Variants in DNAH8 observed in about 807,000 individuals in gnomAD.
DNAH8 encodes dynein axonemal heavy chain 8, also known as axonemal beta dynein heavy chain 8.
A neutral mutation model predicts 562.1 loss-of-function variants in DNAH8; 382 were observed. That is an observed-to-expected ratio of 0.68 (90% CI 0.63 to 0.74). DNAH8 has a LOEUF of 0.74. DNAH8 is among the 30% of genes least tolerant of loss of function. DNAH8 has a pLI of 0.00. For missense variants in DNAH8, 5,203 were observed against 5,620.4 expected, an observed-to-expected ratio of 0.93 and a Z score of 2.37; for synonymous variants, 1,881 against 1,919.4, an observed-to-expected ratio of 0.98 and a Z score of 0.52.
intron 55 of DNAH8, 127 bp downstream of exon 55, chr6:38,883,583 C>A: frequency 9.0e-7 from 1 of 1,106,026 alleles, no homozygotes; most frequent in Non-Finnish European, 1.2e-6. Context: ...CTGCACTTGG[C>A]ATTCAGCTGT....
intron 9 of DNAH8, among the ~76,000 whole-genome samples, chr6:38,755,463 C>T (rs185084595): frequency 1.9e-3 from 292 of 152,138 alleles, no homozygotes; most frequent in Middle Eastern, 0.01. Flanking sequence ...GGATTTCTTC[C>T]AATATCTTCA....
chr6:38,789,605 A>T (rs1196521392), intron 18 of DNAH8, among the ~76,000 whole-genome samples, 198 bp from the exon 19 acceptor site: 22 of 152,210 alleles, frequency 1.4e-4, no homozygotes, highest in Non-Finnish European at 1.5e-5. Context: ...ATTGCTACTG[A>T]CTTGTTTAAA....
chr6:38,987,766 C>T (rs987303858), intron 87 of DNAH8, among the ~76,000 whole-genome samples: 1 of 152,206 alleles, frequency 6.6e-6, no homozygotes, highest in Non-Finnish European at 1.5e-5. Context: ...GCCCTACATC[C>T]TCTCCAACCT....
rs768887650 is a variant in DNAH8, at chr6:38,761,804, G to A, written c.1617+1G>A. The stretch of plus-strand genomic sequence containing the variant: ...GCCAGTTGTACTAAAGAAAATTCAG[G>A]TTTGTAGAAGTACTTTTATTTTCAT... On this transcript the variant is annotated splice_donor_variant, in intron 11 of 92. Coordinates refer to ENST00000327475, the MANE Select transcript of DNAH8 (RefSeq NM_001206927.2). LOFTEE classifies it high-confidence loss of function. 1 of 1,497,726 alleles carries A rather than the reference G, an allele frequency of 6.7e-7. No individual in the cohort carries two copies. Among genetic ancestry groups the A allele is most frequent in the Non-Finnish European group, 9.0e-7 (1 of 1,111,184 alleles). 92.8% of individuals were successfully genotyped at this position (1,497,726 alleles called of 1,614,324 possible).
Position 38,848,609 on chromosome 6 carries a change from CT to C in DNAH8, c.5046-37del, listed in dbSNP as rs1775489123. The C allele has an allele frequency of 4.6e-6, 7 of 1,534,400 alleles. No individual in the cohort carries two copies. In the South Asian group the frequency reaches 8.0e-5, roughly 18 times the overall value. ...GGTAAGGCCATACTATTTTCTGAATCTTCTTTGAAATGTGATTTTTTCCGTT... is the reference window on the plus strand; with the variant it reads ...GGTAAGGCCATACTATTTTCTGAATCTCTTTGAAATGTGATTTTTTCCGTT... On this transcript the variant is annotated intron_variant, in intron 36 of 92. Transcript: ENST00000327475.
At chr6:38,862,240 A>G (rs781345358) in intron 43 of DNAH8, 40 bp from the exon 44 acceptor site, 1 of 1,582,550 alleles carries the variant, frequency 6.3e-7, no homozygotes, top group Non-Finnish European at 8.6e-7. Flanking sequence ...GTAACGTGTC[A>G]TCCCATACTC....
At chr6:38,915,072 A>G in intron 67 of DNAH8, 129 bp from the exon 68 acceptor site, 5 of 767,994 alleles carry the variant, frequency 6.5e-6, no homozygotes, top group East Asian at 3.2e-5. Flanking sequence ...AATATAGACA[A>G]CTTAGGAAAT....
At position 38,805,726 on chromosome 6, in the gene DNAH8, A is replaced by G. The variant is rs577776488; in HGVS notation, c.3150+130A>G. The G allele has an allele frequency of 9.4e-5, 52 of 551,480 alleles. No individual in the cohort carries two copies. The East Asian group carries it at 1.7e-3, about 18-fold the overall frequency. 34.2% of individuals were successfully genotyped at this position (551,480 alleles called of 1,614,324 possible). The stretch of plus-strand genomic sequence containing the variant: ...ATTTCTAACAAAATACAGAAAGTAT[A>G]ATTTTCAATTTTATACTGTAGGATC... On this transcript the variant is annotated intron_variant, in intron 23 of 92. Coordinates refer to ENST00000327475, the MANE Select transcript of DNAH8 (RefSeq NM_001206927.2).
intron 92 of DNAH8, among the ~76,000 whole-genome samples, chr6:39,029,363 G>A (rs1436698416): frequency 6.6e-6 from 1 of 152,150 alleles, no homozygotes; most frequent in Non-Finnish European, 1.5e-5. Flanking sequence ...GAGCACTCCA[G>A]CCACAGGGAC....
intron 73 of DNAH8, 26 bp from the exon 74 acceptor site, chr6:38,926,029 G>A (rs1279397833): frequency 1.2e-5 from 19 of 1,602,756 alleles, no homozygotes; most frequent in Non-Finnish European, 1.3e-5. Flanking sequence ...TCCTTTGAAT[G>A]GTGATATCCA....
intron 75 of DNAH8, 42 bp downstream of exon 75, chr6:38,929,708 A>G (rs1583384728): frequency 6.8e-7 from 1 of 1,464,686 alleles, no homozygotes; most frequent in Non-Finnish European, 9.0e-7. Flanking sequence ...AAAGAAAGAA[A>G]AGAAAAAGAA....
intron 26 of DNAH8, among the ~76,000 whole-genome samples, chr6:38,822,001 GCATATAGTGAATATA>G (rs1235171350): frequency 3.3e-5 from 5 of 152,156 alleles, no homozygotes; most frequent in Admixed American, 1.3e-4. Context: ...ATTTGAATAT[GCATATAGTGAATATA>G]CATATAGTGA....
At position 38,837,870 on chromosome 6, in the gene DNAH8, A is replaced by G. The variant is rs1774426687; in HGVS notation, c.4366-72A>G. 3.9e-5 allele frequency: 44 copies of G among 1,121,868 alleles called. No homozygotes were observed. In the South Asian group the frequency reaches 5.3e-4, roughly 13 times the overall value. 69.5% of individuals were successfully genotyped at this position (1,121,868 alleles called of 1,614,324 possible). A position where few individuals can be genotyped will look rare whatever the true frequency, so the allele number is the denominator to read the frequency against. On this transcript the variant is annotated intron_variant, in intron 32 of 92. Transcript: ENST00000327475. The stretch of plus-strand genomic sequence containing the variant: ...AAACCTCAACCTAGCTTTTATCCCA[A>G]TGAAAATAAATTCCACTTTAATTCT...
chr6:38,836,317 T>C (rs2150361205), intron 32 of DNAH8, among the ~76,000 whole-genome samples: 1 of 151,922 alleles, frequency 6.6e-6, no homozygotes, highest in Non-Finnish European at 1.5e-5. Flanking sequence ...TATTGTGGCA[T>C]GTGCCTGTAA....
chr6:38,846,187 C>G (rs1775286961), intron 36 of DNAH8, among the ~76,000 whole-genome samples: 1 of 152,182 alleles, frequency 6.6e-6, no homozygotes, highest in African/African-American at 2.4e-5. Context: ...GAGCAATCTA[C>G]CACTACAGCA....
chr6:39,011,573 G>T (rs959034960), intron 89 of DNAH8, among the ~76,000 whole-genome samples: 1 of 152,100 alleles, frequency 6.6e-6, no homozygotes, highest in African/African-American at 2.4e-5. Context: ...ATATTTTATT[G>T]TTCCCACAAC....
intron 41 of DNAH8, among the ~76,000 whole-genome samples, chr6:38,855,649 C>G (rs1026722995): frequency 2.0e-5 from 3 of 152,238 alleles, no homozygotes; most frequent in East Asian, 1.9e-4. Flanking sequence ...TGGGAACATT[C>G]AATATCCTCC....
chr6:38,834,729 A>G (rs1774137000), intron 32 of DNAH8, 88 bp downstream of exon 32: 1 of 1,053,684 alleles, frequency 9.5e-7, no homozygotes. Context: ...TTTTAATAGA[A>G]AAGTTTGTAT....
chr6:38,964,920 C>T (rs1013529843), intron 82 of DNAH8, among the ~76,000 whole-genome samples: 18 of 152,020 alleles, frequency 1.2e-4, no homozygotes, highest in African/African-American at 2.9e-4. Context: ...AAAAATTAGT[C>T]GGGCGTGGTG....
Sources: gnomAD v4.1 joint callset for allele counts (sites outside exome capture counted in the v4.1 genomes callset) on GRCh38, gnomAD v4.1.1 for gene constraint, MANE v1.5 for transcripts, NCBI Gene and HGNC (gene_info 2026-07-23, HGNC 2026-07-21) for gene names.